The following ITGA9 variants were observed in gnomAD, a reference collection of about 807,000 sequenced individuals.
The protein encoded by ITGA9 is integrin subunit alpha 9.
A neutral mutation model predicts 127.8 loss-of-function variants in ITGA9; 56 were observed. The observed-to-expected ratio is 0.44, with a 90% CI of 0.35 to 0.55. The LOEUF (loss-of-function observed/expected upper bound fraction) is 0.55, where lower values mean the gene tolerates loss of function less well. ITGA9 is among the 20% of genes least tolerant of loss of function. The pLI, the probability that ITGA9 is intolerant of heterozygous loss-of-function variation, is 0.00. For synonymous variants in ITGA9, 508 were observed against 514.5 expected (o/e 0.99, Z 0.17); for missense variants, 1,196 against 1,347.1 (o/e 0.89, Z 1.76).
At chr3:37,593,966 G>T (rs918523772) in intron 15 of ITGA9, among the ~76,000 whole-genome samples, 13 of 152,204 alleles carry the variant, frequency 8.5e-5, no homozygotes, top group African/African-American at 3.1e-4. Flanking sequence ...CCAGGGGCAA[G>T]CAGGCTGCCT....
chr3:37,769,511 A>C (rs1435598027), intron 23 of ITGA9, among the ~76,000 whole-genome samples: 1 of 152,092 alleles, frequency 6.6e-6, no homozygotes, highest in East Asian at 1.9e-4. Context: ...CACCCACGCC[A>C]TGTGTAAGAC....
chr3:37,691,531 C>T (rs913401239), intron 18 of ITGA9, among the ~76,000 whole-genome samples: 3 of 152,214 alleles, frequency 2.0e-5, no homozygotes, highest in South Asian at 2.1e-4. Context: ...CTAATAAAAC[C>T]GAGAGATCTT....
At chr3:37,654,190 C>CCACACACACACACACACA (rs67516814) in intron 17 of ITGA9, among the ~76,000 whole-genome samples, 2 of 146,304 alleles carry the variant, frequency 1.4e-5, no homozygotes, top group Admixed American at 6.8e-5. Flanking sequence ...CCTCCTGCCT[C>CCACACACACACACACACA]CACACACACA....
At chr3:37,507,892 G>A (rs375911286) in intron 7 of ITGA9, among the ~76,000 whole-genome samples, 26 of 152,308 alleles carry the variant, frequency 1.7e-4, no homozygotes, top group African/African-American at 4.6e-4. Flanking sequence ...CCAAAAAAAA[G>A]AACTTCCATA....
chr3:37,508,262 C>T (rs976280320), intron 7 of ITGA9, among the ~76,000 whole-genome samples: 9 of 152,188 alleles, frequency 5.9e-5, no homozygotes, highest in Admixed American at 1.3e-4. Flanking sequence ...AGCTTTTTCT[C>T]AGAGTTGAAT....
chr3:37,803,814 GC>G lies in ITGA9; in HGVS notation c.2890-7del. The G allele has an allele frequency of 2.5e-6, 4 of 1,613,946 alleles. No individual in the cohort carries two copies. The highest frequency in any genetic ancestry group is 3.4e-6 in the Non-Finnish European group (4 of 1,179,914). On this transcript the variant is annotated splice_region_variant and splice_polypyrimidine_tract_variant and intron_variant, in intron 26 of 27. Transcript: ENST00000264741. ...AAGGAAATGTTTTCACTGTTGCGTTGCCTCCTAGGTGGTCTTCGAGGCCCTG... is the reference window on the plus strand; with the variant it reads ...AAGGAAATGTTTTCACTGTTGCGTTGCTCCTAGGTGGTCTTCGAGGCCCTG...
intron 14 of ITGA9, among the ~76,000 whole-genome samples, chr3:37,539,962 G>A (rs899969354): frequency 1.3e-5 from 2 of 152,222 alleles, no homozygotes; most frequent in Non-Finnish European, 2.9e-5. Flanking sequence ...GGCTTGCCAG[G>A]CACATGGACA....
At chr3:37,800,485 CT>C (rs1227166475) in intron 26 of ITGA9, among the ~76,000 whole-genome samples, 1 of 152,198 alleles carries the variant, frequency 6.6e-6, no homozygotes, top group African/African-American at 2.4e-5. Context: ...CACAGTTCAT[CT>C]GTACAAGACA....
chr3:37,618,663 G>C (rs983899014), intron 15 of ITGA9, among the ~76,000 whole-genome samples: 9 of 152,212 alleles, frequency 5.9e-5, no homozygotes, highest in Admixed American at 5.2e-4. Context: ...TGGCGATGGT[G>C]GGCGCCCCTC....
At chr3:37,753,107 G>A (rs1023890990) in intron 23 of ITGA9, among the ~76,000 whole-genome samples, 2 of 152,220 alleles carry the variant, frequency 1.3e-5, no homozygotes, top group Admixed American at 6.5e-5. Context: ...TGGACCTAGT[G>A]TCTGTCCATC....
intron 24 of ITGA9, among the ~76,000 whole-genome samples, chr3:37,778,822 T>A (rs1419792828): frequency 6.6e-6 from 1 of 151,746 alleles, no homozygotes; most frequent in African/African-American, 2.4e-5. Context: ...TCCTTTCTCA[T>A]TCTTTTCTCC....
chr3:37,704,093 G>A (rs372258161), intron 18 of ITGA9, among the ~76,000 whole-genome samples: 4 of 152,166 alleles, frequency 2.6e-5, no homozygotes, highest in African/African-American at 4.8e-5. Context: ...GGCTGCTCAC[G>A]TGGCTTTGTA....
intron 15 of ITGA9, among the ~76,000 whole-genome samples, chr3:37,570,517 A>G (rs543601531): frequency 1.1e-4 from 17 of 152,310 alleles, no homozygotes; most frequent in Admixed American, 6.5e-4. Flanking sequence ...GGTCTCATCT[A>G]TCAGACTCAC....
intron 16 of ITGA9, among the ~76,000 whole-genome samples, chr3:37,642,379 G>A (rs1032175430): frequency 3.3e-5 from 5 of 152,180 alleles, no homozygotes; most frequent in Admixed American, 6.5e-5. Flanking sequence ...CTATTGATCC[G>A]CAACACCTGG....
chr3:37,770,116 C>T (rs1392440315), intron 23 of ITGA9, among the ~76,000 whole-genome samples: 1 of 152,164 alleles, frequency 6.6e-6, no homozygotes, highest in Non-Finnish European at 1.5e-5. Context: ...TGTCTCTGTG[C>T]TGCTGTTCTA....
intron 15 of ITGA9, among the ~76,000 whole-genome samples, chr3:37,587,770 G>A (rs1004740470): frequency 2.0e-5 from 3 of 152,186 alleles, no homozygotes; most frequent in Non-Finnish European, 2.9e-5. Context: ...TATGTTCTCC[G>A]TTTTATGAGA....
intron 25 of ITGA9, among the ~76,000 whole-genome samples, chr3:37,782,291 C>T (rs1353321593): frequency 1.3e-5 from 2 of 152,224 alleles, no homozygotes; most frequent in African/African-American, 4.8e-5. Context: ...TTCCTTTATC[C>T]TCAACCCAGA....
intron 15 of ITGA9, among the ~76,000 whole-genome samples, chr3:37,566,763 G>A (rs1024100581): frequency 1.3e-5 from 2 of 152,224 alleles, no homozygotes; most frequent in Non-Finnish European, 2.9e-5. Flanking sequence ...GAAATAGTGA[G>A]TTTCTTGTCA....
intron 27 of ITGA9, among the ~76,000 whole-genome samples, chr3:37,810,321 C>T (rs1462525077): frequency 6.6e-6 from 1 of 152,208 alleles, no homozygotes; most frequent in Non-Finnish European, 1.5e-5. Context: ...TGCAAGATGG[C>T]CAGCACCTTC....
Sources: gnomAD v4.1 joint callset for allele counts (sites outside exome capture counted in the v4.1 genomes callset) on GRCh38, gnomAD v4.1.1 for gene constraint, MANE v1.5 for transcripts, NCBI Gene and HGNC (gene_info 2026-07-23, HGNC 2026-07-21) for gene names.